CELF2: variants seen among roughly 807,000 people sequenced by gnomAD.
CELF2 encodes the protein CUG triplet repeat RNA-binding protein 2.
A neutral mutation model predicts 62.6 loss-of-function variants in CELF2; 8 were observed. The ratio of observed to expected loss-of-function variants is 0.13; its 90% CI spans 0.07 to 0.23. CELF2 has a LOEUF of 0.23. Among genes scored for constraint, CELF2 ranks in the 10% least tolerant of loss-of-function variants. The pLI, the probability that CELF2 is intolerant of heterozygous loss-of-function variation, is 1.00. For synonymous variants in CELF2, 258 were observed against 250.0 expected, an observed-to-expected ratio of 1.03 and a Z score of -0.30; for missense variants, 333 against 671.0, an observed-to-expected ratio of 0.50 and a Z score of 5.56.
In CELF2 at chr10:11,321,541, C is replaced by T. The variant is rs2095437620; in HGVS notation, c.1294+155C>T. ...GTTTAAAAAAAAAAAAAACTGAAAG[C>T]TGGGCATGGTGGCATACACCTGTAG... On this transcript the variant is annotated intron_variant, in intron 11 of 12. Transcript: ENST00000633077. The surrounding 1 kb of genome is among the most constrained non-coding windows in gnomAD (Gnocchi z 6.2). Among the ~76,000 whole-genome samples the T allele has an allele frequency of 6.6e-6, 1 of 151,300 alleles. No homozygotes were observed. Among genetic ancestry groups the T allele is most frequent in the Admixed American group, 6.6e-5 (1 of 15,216 alleles).
chr10:11,277,236 C>G (rs903030603), intron 8 of CELF2, among the ~76,000 whole-genome samples: 2 of 152,186 alleles, frequency 1.3e-5, no homozygotes. Flanking sequence ...CTCCTACGCT[C>G]TTGTCTTGTC....
chr10:10,564,094 C>T, the CELF2 span, among the ~76,000 whole-genome samples: 1 of 152,208 alleles, frequency 6.6e-6, no homozygotes. Flanking sequence ...TCTCTCCCAT[C>T]CTTTGCTCGC....
At chr10:11,286,220 C>T (rs142562420) in intron 8 of CELF2, among the ~76,000 whole-genome samples, 32 of 152,360 alleles carry the variant, frequency 2.1e-4, no homozygotes, top group African/African-American at 7.7e-4. Context: ...AGCTCCATCA[C>T]TGAGGCTCCT....
At chr10:10,915,131 TAA>T (rs11358531) in intron 1 of CELF2, among the ~76,000 whole-genome samples, 926 of 135,704 alleles carry the variant, frequency 6.8e-3, no homozygotes, top group Admixed American at 6.8e-3. Flanking sequence ...AACTTTATTT[TAA>T]AAAAAAAAAA....
intron 1 of CELF2, among the ~76,000 whole-genome samples, chr10:11,116,943 A>C (rs919377654): frequency 2.6e-5 from 4 of 152,248 alleles, no homozygotes; most frequent in African/African-American, 9.6e-5. Context: ...CATGACAGTC[A>C]TATGATTTAA....
chr10:11,244,273 T>G lies in CELF2; in HGVS notation c.355-4880T>G, dbSNP rs1299539714. Among the ~76,000 whole-genome samples, 3 of 152,246 alleles carry G rather than the reference T, an allele frequency of 2.0e-5. No individual in the cohort carries two copies. In the East Asian group the frequency reaches 5.8e-4, roughly 29 times the overall value. ...GTGAGTAGATGGGCATTGTTTCTTT[T>G]TACTTGAAATTGTCCAGCCTATGAA... On this transcript the variant is annotated intron_variant, in intron 3 of 12. Coordinates refer to ENST00000633077, the MANE Select transcript of CELF2 (RefSeq NM_001326342.2). This position sits in a 1 kb window ranked among gnomAD's most constrained non-coding sequence, Gnocchi z 4.2.
chr10:11,212,180 G>A lies in CELF2; in HGVS notation c.272-5245G>A, dbSNP rs536879077. On this transcript the variant is annotated intron_variant, in intron 2 of 12. Transcript: ENST00000633077. ...CTTACCAATTTCAGGGAATCTGGGC[G>A]TCAAAAGCATCCACATCCCTGCAGC... 1.8e-4 allele frequency among the ~76,000 whole-genome samples: 28 copies of A among 152,260 alleles called. No individual in the cohort carries two copies. In the South Asian group the frequency reaches 5.4e-3, roughly 29 times the overall value.
chr10:10,670,142 T>C, the CELF2 span, among the ~76,000 whole-genome samples: 2 of 152,162 alleles, frequency 1.3e-5, no homozygotes, highest in African/African-American at 2.4e-5. Context: ...CCTCAGGTGA[T>C]CGGGCCACTT....
chr10:10,614,854 T>C, the CELF2 span, among the ~76,000 whole-genome samples: 1 of 152,080 alleles, frequency 6.6e-6, no homozygotes, highest in Non-Finnish European at 1.5e-5. Context: ...GAATCTGTTC[T>C]TCAGGAAACA....
At chr10:10,819,121 A>T (rs12358451) in intron 1 of CELF2, among the ~76,000 whole-genome samples, 17 of 152,164 alleles carry the variant, frequency 1.1e-4, no homozygotes, top group African/African-American at 2.2e-4. Flanking sequence ...CTGTATTCTC[A>T]TCTCTAACAT....
the CELF2 span, among the ~76,000 whole-genome samples, chr10:10,486,112 A>G: frequency 6.6e-6 from 1 of 152,204 alleles, no homozygotes; most frequent in Non-Finnish European, 1.5e-5. Context: ...TATGTTCTTT[A>G]TTCTCCCGGA....
the CELF2 span, among the ~76,000 whole-genome samples, chr10:10,733,679 T>C: frequency 3.2e-4 from 49 of 152,212 alleles, no homozygotes; most frequent in African/African-American, 1.1e-3. Context: ...CAAGAAAGAA[T>C]GAGAACCAAG....
chr10:10,690,263 G>C, the CELF2 span, among the ~76,000 whole-genome samples: 1 of 152,154 alleles, frequency 6.6e-6, no homozygotes. Context: ...AATTGCAGGT[G>C]TTACCCTGTA....
rs1168207789 is a variant in CELF2, at chr10:11,319,394, C to A, written c.1097-1795C>A. On this transcript the variant is annotated intron_variant, in intron 10 of 12. Coordinates refer to ENST00000633077, the MANE Select transcript of CELF2 (RefSeq NM_001326342.2). This position sits in a 1 kb window ranked among gnomAD's most constrained non-coding sequence, Gnocchi z 4.4. Reference sequence around the variant, plus strand: ...AAATGACTCTCCAGCCCTCTGGTGGCCATAGTAACAGGGACAGAGGGGAAG... The same window carrying A: ...AAATGACTCTCCAGCCCTCTGGTGGACATAGTAACAGGGACAGAGGGGAAG... Among the ~76,000 whole-genome samples, 1 of 152,110 alleles carries A rather than the reference C, an allele frequency of 6.6e-6. No individual in the cohort carries two copies. The highest frequency in any genetic ancestry group is 1.5e-5 in the Non-Finnish European group (1 of 68,024).
chr10:11,198,951 C>A (rs2058595213), intron 2 of CELF2, among the ~76,000 whole-genome samples: 1 of 152,186 alleles, frequency 6.6e-6, no homozygotes, highest in Admixed American at 6.5e-5. Flanking sequence ...CATGAGCTTT[C>A]CAGTTAATAG....
At chr10:11,024,332 C>T (rs184083522) in intron 1 of CELF2, among the ~76,000 whole-genome samples, 3 of 152,290 alleles carry the variant, frequency 2.0e-5, no homozygotes, top group East Asian at 3.9e-4. Flanking sequence ...CAGTCGGGTA[C>T]GGTTGCTCAC....
chr10:10,755,650 T>C, the CELF2 span, among the ~76,000 whole-genome samples: 2 of 152,220 alleles, frequency 1.3e-5, no homozygotes, highest in Admixed American at 6.5e-5. Context: ...GTGAGGAACA[T>C]CTTTCCTAAA....
At chr10:10,466,517 A>G in the CELF2 span, among the ~76,000 whole-genome samples, 1 of 152,094 alleles carries the variant, frequency 6.6e-6, no homozygotes, top group South Asian at 2.1e-4. Context: ...ATGAATATTC[A>G]TGTGCAAGCC....
chr10:10,650,042 AT>A, the CELF2 span, among the ~76,000 whole-genome samples: 1 of 152,230 alleles, frequency 6.6e-6, no homozygotes, highest in African/African-American at 2.4e-5. Context: ...AGGAATGCCA[AT>A]CACATTGCAA....
Sources: allele counts gnomAD v4.1 joint callset (sites outside exome capture counted in the v4.1 genomes callset), GRCh38; gene constraint gnomAD v4.1.1; non-coding constraint Gnocchi (gnomAD v3.1); transcripts MANE v1.5; gene names NCBI Gene and HGNC (gene_info 2026-07-23, HGNC 2026-07-21).